Variants in VGLL4 observed in about 807,000 individuals in gnomAD.
VGLL4 encodes vestigial like family member 4.
In VGLL4, 7 loss-of-function variants were observed where a neutral mutation model predicts 21.0. The ratio of observed to expected loss-of-function variants is 0.33; its 90% CI spans 0.19 to 0.63. The LOEUF is 0.63. Among genes scored for constraint, VGLL4 ranks in the 20% least tolerant of loss-of-function variants. The probability of loss-of-function intolerance (pLI) is 0.78; values close to 1 mark genes in which losing one functional copy is unlikely to be tolerated. For synonymous variants in VGLL4, 222 were observed against 173.2 expected (o/e 1.28, Z -2.21); for missense variants, 394 against 425.7 (o/e 0.93, Z 0.66).
chr3:11,576,965 G>A (rs1394468652), intron 2 of VGLL4, among the ~76,000 whole-genome samples: 1 of 152,230 alleles, frequency 6.6e-6, no homozygotes, highest in Non-Finnish European at 1.5e-5. Context: ...GTCTAGAACA[G>A]GGCCTGGCAC....
intron 1 of VGLL4, among the ~76,000 whole-genome samples, chr3:11,613,459 G>C (rs560513041): frequency 6.6e-6 from 1 of 152,122 alleles, no homozygotes; most frequent in Non-Finnish European, 1.5e-5. Flanking sequence ...GTAACACTCC[G>C]AGCCTCTAGA....
Position 11,565,050 on chromosome 3 carries a change from G to GT in VGLL4, c.273-32dup, listed in dbSNP as rs1311608055. ...AAAGAGGAATGGGCATTCAGGGGGCGTTTTCTCAAAGGCAAAGGGGACAGT... is the reference window on the plus strand; with the variant it reads ...AAAGAGGAATGGGCATTCAGGGGGCGTTTTTCTCAAAGGCAAAGGGGACAGT... On this transcript the variant is annotated intron_variant, in intron 2 of 4. Transcript: ENST00000430365. The surrounding 1 kb of genome is among the most constrained non-coding windows in gnomAD (Gnocchi z 4.1). 6.8e-7 allele frequency: 1 copy of GT among 1,462,810 alleles called. No individual in the cohort carries two copies. Among genetic ancestry groups the GT allele is most frequent in the Non-Finnish European group, 9.0e-7 (1 of 1,108,054 alleles). 90.6% of individuals were successfully genotyped at this position (1,462,810 alleles called of 1,614,324 possible). A position where few individuals can be genotyped will look rare whatever the true frequency, so the allele number is the denominator to read the frequency against.
chr3:11,643,700 G>C lies in VGLL4; in HGVS notation c.-182C>G, dbSNP rs1045783570. 1.4e-6 allele frequency: 2 copies of C among 1,424,250 alleles called. No homozygotes were observed. The highest frequency in any genetic ancestry group is 1.8e-6 in the Non-Finnish European group (2 of 1,095,642). The allele number at this position is 1,424,250 out of a possible 1,614,324, so 88.2% of individuals were successfully genotyped here. A position where few individuals can be genotyped will look rare whatever the true frequency, so the allele number is the denominator to read the frequency against. On this transcript the variant is annotated 5_prime_UTR_variant, in exon 1 of 5. Transcript: ENST00000430365. ...AAAAAAAATCAGGCACAAAAAAATCGAGCTCACACGAAACCCTTCAAGGGC... is the reference window on the plus strand; with the variant it reads ...AAAAAAAATCAGGCACAAAAAAATCCAGCTCACACGAAACCCTTCAAGGGC...
At chr3:11,587,945 C>T (rs1244504744) in intron 2 of VGLL4, among the ~76,000 whole-genome samples, 1 of 152,200 alleles carries the variant, frequency 6.6e-6, no homozygotes, top group African/African-American at 2.4e-5. Context: ...GAACCTCGCG[C>T]ATGTGTGCGT....
At chr3:11,595,842 G>GA (rs1491121153) in intron 2 of VGLL4, among the ~76,000 whole-genome samples, 1 of 19,112 alleles carries the variant, frequency 5.2e-5, no homozygotes, top group Admixed American at 2.8e-4. Context: ...GTTGTGGTGT[G>GA]GGGGGGGCGG....
chr3:11,615,196 C>T (rs2075138912), intron 1 of VGLL4, among the ~76,000 whole-genome samples: 1 of 152,162 alleles, frequency 6.6e-6, no homozygotes, highest in South Asian at 2.1e-4. Context: ...TTCCAACTTC[C>T]CGAACTGACC....
rs1388025006 is a variant in VGLL4, at chr3:11,557,933, AAAAAAC to A, written c.*617_*622del. Reference sequence around the variant, plus strand: ...TCCAAAGCTGTATTGTCTACATTAAAAAAAACAAAAACAGTAACAACAACAAACACA... The same window carrying A: ...TCCAAAGCTGTATTGTCTACATTAAAAAAAACAGTAACAACAACAAACACA... On this transcript the variant is annotated 3_prime_UTR_variant, in exon 5 of 5. Transcript: ENST00000430365. 1 of 154,156 alleles carries A rather than the reference AAAAAAC, an allele frequency of 6.5e-6. No homozygotes were observed. The highest frequency in any genetic ancestry group is 1.9e-4 in the East Asian group (1 of 5,212). The allele number at this position is 154,156 out of a possible 1,614,324, so 9.5% of individuals were successfully genotyped here. A position where few individuals can be genotyped will look rare whatever the true frequency, so the allele number is the denominator to read the frequency against.
At chr3:11,598,999 C>G (rs945854553) in intron 2 of VGLL4, among the ~76,000 whole-genome samples, 1 of 152,146 alleles carries the variant, frequency 6.6e-6, no homozygotes, top group African/African-American at 2.4e-5. Context: ...ACTTCTTAGG[C>G]ATTAAATATA....
chr3:11,650,895 G>A (rs894033442), intron 2 of VGLL4, among the ~76,000 whole-genome samples: 1 of 152,146 alleles, frequency 6.6e-6, no homozygotes, highest in Non-Finnish European at 1.5e-5. Flanking sequence ...CTCTAGGTCC[G>A]TCGCAATTTA....
At position 11,565,018 on chromosome 3, in the gene VGLL4, T is replaced by G; in HGVS notation, c.274A>C (p.Asn92His). Residue 92 changes from asparagine (N) to histidine (H), a missense_variant and splice_region_variant, in exon 3 of 5, where the codon AAC becomes CAC. Asn to His is a moderately conservative substitution (Grantham distance 68). Transcript: ENST00000430365. This position sits in a 1 kb window ranked among gnomAD's most constrained non-coding sequence, Gnocchi z 4.1. ...KMSRIFNPHL[N>H]KTANGDCRRD... ...CGGCAGTCTCCATTGGCAGTCTTGT[T>G]CCTGAAAAAGAGGAATGGGCATTCA... The G allele has an allele frequency of 6.8e-7, 1 of 1,479,434 alleles. No individual in the cohort carries two copies. The highest frequency in any genetic ancestry group is 9.0e-7 in the Non-Finnish European group (1 of 1,116,672). The allele number at this position is 1,479,434 out of a possible 1,614,324, so 91.6% of individuals were successfully genotyped here.
At chr3:11,693,911 ATC>A in intron 2 of VGLL4, among the ~76,000 whole-genome samples, 1 of 152,232 alleles carries the variant, frequency 6.6e-6, no homozygotes, top group South Asian at 2.1e-4. Context: ...TGTTTTTTTA[ATC>A]AGCAGAAAAG....
chr3:11,647,811 C>T (rs2075814847), upstream of VGLL4, among the ~76,000 whole-genome samples: 1 of 152,136 alleles, frequency 6.6e-6, no homozygotes, highest in Non-Finnish European at 1.5e-5. Context: ...TGAATAAAAT[C>T]AGTAAACATC....
At chr3:11,593,779 A>G (rs753191440) in intron 2 of VGLL4, among the ~76,000 whole-genome samples, 1 of 152,186 alleles carries the variant, frequency 6.6e-6, no homozygotes, top group Non-Finnish European at 1.5e-5. Context: ...AAAGACAACA[A>G]GGGGCCCATC....
chr3:11,643,546 C>A lies in VGLL4; in HGVS notation c.-28G>T. On this transcript the variant is annotated 5_prime_UTR_variant, in exon 1 of 5. Transcript: ENST00000430365. ...ATTGGGCTAGCAAAGAAAACCAGCT[C>A]TTTGCTTTTGCCCCAAAAGAGTTAA... 3 of 1,613,776 alleles carry A rather than the reference C, an allele frequency of 1.9e-6. No homozygotes were observed. The highest frequency in any genetic ancestry group is 2.5e-6 in the Non-Finnish European group (3 of 1,179,842).
intron 3 of VGLL4, 70 bp downstream of exon 3, chr3:11,564,727 G>C (rs760377292): frequency 1.4e-6 from 2 of 1,446,982 alleles, no homozygotes; most frequent in Non-Finnish European, 1.8e-6. Context: ...TCCTCTGCTC[G>C]GGGCTCTCCA....
chr3:11,558,952 A>G, intron 4 of VGLL4, 125 bp from the exon 5 acceptor site: 2 of 1,173,616 alleles, frequency 1.7e-6, no homozygotes, highest in Admixed American at 4.5e-5. Context: ...TGGGCTCTGC[A>G]GACAGAACCC....
intron 1 of VGLL4, among the ~76,000 whole-genome samples, chr3:11,712,305 C>T (rs1432066203): frequency 6.6e-6 from 1 of 152,166 alleles, no homozygotes; most frequent in Non-Finnish European, 1.5e-5. Context: ...GCCCTAGTTT[C>T]CTCCTTAAAG....
At chr3:11,659,761 CACAA>C (rs1241738057) in intron 2 of VGLL4, among the ~76,000 whole-genome samples, 5 of 152,226 alleles carry the variant, frequency 3.3e-5, no homozygotes, top group African/African-American at 9.6e-5. Flanking sequence ...CTTCAGTAGA[CACAA>C]ACAAAGTATT....
intron 2 of VGLL4, among the ~76,000 whole-genome samples, chr3:11,674,987 C>T (rs1040317435): frequency 6.6e-6 from 1 of 152,162 alleles, no homozygotes; most frequent in African/African-American, 2.4e-5. Flanking sequence ...TCATTCATTA[C>T]TAAATGTTCA....
Sources: gnomAD v4.1 joint callset for allele counts (sites outside exome capture counted in the v4.1 genomes callset) on GRCh38, gnomAD v4.1.1 for gene constraint, Gnocchi (gnomAD v3.1) non-coding constraint, MANE v1.5 for transcripts, NCBI Gene and HGNC (gene_info 2026-07-23, HGNC 2026-07-21) for gene names.